CHKA: variants seen among roughly 807,000 people sequenced by gnomAD.
CHKA encodes the protein CHETK-alpha.
Under a neutral mutation model 60.1 loss-of-function variants are expected in CHKA, and 34 were observed. That is an observed-to-expected ratio of 0.57 (90% CI 0.43 to 0.75). The LOEUF is 0.75. CHKA is among the 30% of genes least tolerant of loss of function. The pLI is 0.00. For synonymous variants in CHKA, 217 were observed against 223.1 expected (o/e 0.97, Z 0.24); for missense variants, 563 against 561.3 (o/e 1.00, Z -0.03).
intron 4 of CHKA, among the ~76,000 whole-genome samples, chr11:68,071,802 G>A (rs1185006542): frequency 2.0e-5 from 3 of 152,218 alleles, no homozygotes; most frequent in Non-Finnish European, 2.9e-5. Flanking sequence ...AGAGCTGGAG[G>A]AGAGAATGCA....
chr11:68,059,539 T>C (rs1856145714), intron 11 of CHKA, among the ~76,000 whole-genome samples: 1 of 152,244 alleles, frequency 6.6e-6, no homozygotes, highest in Non-Finnish European at 1.5e-5. Flanking sequence ...TACAAAGCCG[T>C]AAGTTTCTAG....
At chr11:68,069,506 G>T (rs1458462674) in intron 6 of CHKA, among the ~76,000 whole-genome samples, 1 of 151,904 alleles carries the variant, frequency 6.6e-6, no homozygotes, top group Non-Finnish European at 1.5e-5. Flanking sequence ...CCAACATGGT[G>T]TAACCCCATC....
chr11:68,103,500 A>G (rs1392261323), intron 1 of CHKA, among the ~76,000 whole-genome samples: 1 of 152,168 alleles, frequency 6.6e-6, no homozygotes, highest in Non-Finnish European at 1.5e-5. Flanking sequence ...ACCCTTACAC[A>G]CTGTTGATGG....
chr11:68,070,376 A>C, intron 5 of CHKA, 83 bp from the exon 6 acceptor site: 1 of 1,047,280 alleles, frequency 9.5e-7, no homozygotes, highest in Non-Finnish European at 1.5e-6. Context: ...GGCTTTGGTT[A>C]AACATTCAAT....
chr11:68,068,703 A>G (rs1219658719), intron 7 of CHKA, among the ~76,000 whole-genome samples, 176 bp downstream of exon 7: 1 of 152,094 alleles, frequency 6.6e-6, no homozygotes, highest in Non-Finnish European at 1.5e-5. Context: ...CAGACATGAG[A>G]CATTGTGACT....
intron 4 of CHKA, among the ~76,000 whole-genome samples, chr11:68,073,151 C>T (rs1331281845): frequency 2.6e-5 from 4 of 152,158 alleles, no homozygotes; most frequent in Non-Finnish European, 5.9e-5. Flanking sequence ...TGTGTTAACA[C>T]AATTCCCTTA....
intron 2 of CHKA, among the ~76,000 whole-genome samples, chr11:68,090,398 T>C (rs1041499965): frequency 1.8e-4 from 28 of 152,174 alleles, no homozygotes; most frequent in Non-Finnish European, 3.8e-4. Context: ...TGGCAATTCA[T>C]AGAATTCAGT....
chr11:68,097,676 T>G (rs1330744900), intron 1 of CHKA, among the ~76,000 whole-genome samples: 1 of 151,212 alleles, frequency 6.6e-6, no homozygotes, highest in Non-Finnish European at 1.5e-5. Context: ...TATTTAAACC[T>G]TCTTCTCTAG....
At chr11:68,067,101 C>T (rs1856468412) in intron 7 of CHKA, among the ~76,000 whole-genome samples, 1 of 152,186 alleles carries the variant, frequency 6.6e-6, no homozygotes, top group Non-Finnish European at 1.5e-5. Context: ...AGGAGTTGGT[C>T]AGCCATCAGC....
At chr11:68,108,525 A>G (rs1858004456) in intron 1 of CHKA, among the ~76,000 whole-genome samples, 1 of 152,218 alleles carries the variant, frequency 6.6e-6, no homozygotes, top group African/African-American at 2.4e-5. Context: ...CGGGAGGATC[A>G]CGAGGTCAGG....
intron 6 of CHKA, 26 bp downstream of exon 6, chr11:68,070,163 A>C (rs1299584487): frequency 6.7e-7 from 1 of 1,500,630 alleles, no homozygotes; most frequent in African/African-American, 1.4e-5. Flanking sequence ...GAATATTTAA[A>C]GTCAGGAAAT....
chr11:68,064,524 C>T lies in CHKA; in HGVS notation c.1232+1G>A. On this transcript the variant is annotated splice_donor_variant, in intron 10 of 11. Coordinates refer to ENST00000265689, the MANE Select transcript of CHKA (RefSeq NM_001277.3). LOFTEE classifies it high-confidence loss of function. ...ACAAATCAAAAAAGGAAAAATGTTACCTATTAACTTCAAGCAACATTTCTT... is the reference window on the plus strand; with the variant it reads ...ACAAATCAAAAAAGGAAAAATGTTATCTATTAACTTCAAGCAACATTTCTT... 6.9e-7 allele frequency: 1 copy of T among 1,454,616 alleles called. No individual in the cohort carries two copies. The highest frequency in any genetic ancestry group is 1.3e-5 in the South Asian group (1 of 78,820). 90.1% of individuals were successfully genotyped at this position (1,454,616 alleles called of 1,614,324 possible).
At chr11:68,066,131 G>C (rs570158162) in intron 8 of CHKA, among the ~76,000 whole-genome samples, 1 of 152,248 alleles carries the variant, frequency 6.6e-6, no homozygotes, top group South Asian at 2.1e-4. Context: ...CCAGAACATT[G>C]TGTCTCCTAG....
chr11:68,059,293 A>C (rs1856136521), intron 11 of CHKA, among the ~76,000 whole-genome samples: 1 of 152,140 alleles, frequency 6.6e-6, no homozygotes, highest in African/African-American at 2.4e-5. Flanking sequence ...ATCTTGTCAA[A>C]TGCTTTTTCC....
chr11:68,061,456 T>C (rs756768023), intron 11 of CHKA: 1 of 247,596 alleles, frequency 4.0e-6, no homozygotes, highest in African/African-American at 2.2e-5. Context: ...GTTACAAACA[T>C]GCCTATGAAA....
chr11:68,077,692 G>A (rs912898204), intron 3 of CHKA, among the ~76,000 whole-genome samples: 2 of 152,130 alleles, frequency 1.3e-5, no homozygotes, highest in Admixed American at 1.3e-4. Flanking sequence ...GGAGGGATGG[G>A]GAGAGAGAGA....
intron 3 of CHKA, 138 bp downstream of exon 3, chr11:68,081,266 C>A (rs1856978226): frequency 4.6e-6 from 3 of 649,328 alleles, no homozygotes; most frequent in East Asian, 2.8e-5. Flanking sequence ...GATAGATATA[C>A]CAAGAGCCCC....
chr11:68,077,607 G>C (rs1025656350), intron 3 of CHKA, among the ~76,000 whole-genome samples: 1 of 152,200 alleles, frequency 6.6e-6, no homozygotes, highest in Admixed American at 6.5e-5. Flanking sequence ...CTGGCACTGT[G>C]CTAAGCGCCA....
chr11:68,114,369 G>A (rs1858303340), intron 1 of CHKA, among the ~76,000 whole-genome samples: 1 of 152,142 alleles, frequency 6.6e-6, no homozygotes, highest in Non-Finnish European at 1.5e-5. Flanking sequence ...GAATACTACT[G>A]AGTATTAAAA....
Sources: gnomAD v4.1 joint callset for allele counts (sites outside exome capture counted in the v4.1 genomes callset) on GRCh38, gnomAD v4.1.1 for gene constraint, MANE v1.5 for transcripts, NCBI Gene and HGNC (gene_info 2026-07-23, HGNC 2026-07-21) for gene names.